The following RAB1A variants were observed in gnomAD, a reference collection of about 807,000 sequenced individuals.
RAB1A encodes the protein ras-related protein Rab-1A.
Under a neutral mutation model 26.0 loss-of-function variants are expected in RAB1A, and 2 were observed. That is an observed-to-expected ratio of 0.08 (90% CI 0.03 to 0.24). RAB1A has a LOEUF of 0.24. RAB1A is among the 10% of genes least tolerant of loss of function. The pLI is 1.00. For missense variants in RAB1A, 100 were observed against 247.0 expected (o/e 0.40, Z 3.99); for synonymous variants, 84 against 84.9 (o/e 0.99, Z 0.06).
intron 5 of RAB1A, 56 bp downstream of exon 5, chr2:65,088,883 C>T (rs954550238): frequency 2.0e-6 from 3 of 1,526,482 alleles, no homozygotes; most frequent in African/African-American, 2.7e-5. Context: ...TACTGCAGAA[C>T]CCATACATAA....
At chr2:65,121,600 C>T (rs1213258873) in intron 1 of RAB1A, among the ~76,000 whole-genome samples, 1 of 152,146 alleles carries the variant, frequency 6.6e-6, no homozygotes, top group Non-Finnish European at 1.5e-5. Flanking sequence ...ACCATTTTTC[C>T]CCTGAATATC....
In RAB1A at chr2:65,126,440, C is replaced by CA. The variant is rs374239676; in HGVS notation, c.23+3452dup. 8.8e-3 allele frequency among the ~76,000 whole-genome samples: 1,290 copies of CA among 146,288 alleles called. 13 individuals carry two copies. The highest frequency in any genetic ancestry group is 0.027 in the African/African-American group (1,093 of 39,930). ...CGGGCGACAGAGCAAGATTCCGTCT[C>CA]AAAAAAAAAACAAAACAAACAAAAA... On this transcript the variant is annotated intron_variant, in intron 1 of 5. Coordinates refer to ENST00000409784, the MANE Select transcript of RAB1A (RefSeq NM_004161.5).
chr2:65,124,637 A>G (rs926913906), intron 1 of RAB1A, among the ~76,000 whole-genome samples: 1 of 151,648 alleles, frequency 6.6e-6, no homozygotes, highest in Non-Finnish European at 1.5e-5. Context: ...TAGTAGAGAC[A>G]GGGTTTTGCC....
At chr2:65,098,928 C>T (rs1038984472) in intron 2 of RAB1A, among the ~76,000 whole-genome samples, 2 of 143,294 alleles carry the variant, frequency 1.4e-5, no homozygotes, top group Non-Finnish European at 3.0e-5. Context: ...CTCTGTCTCC[C>T]GGGGTCCAAG....
At chr2:65,122,217 G>A (rs570775842) in intron 1 of RAB1A, among the ~76,000 whole-genome samples, 1 of 145,790 alleles carries the variant, frequency 6.9e-6, no homozygotes, top group Admixed American at 6.9e-5. Context: ...AATACCTCAT[G>A]CACTGGCACA....
chr2:65,111,608 T>C (rs968141635), intron 1 of RAB1A, among the ~76,000 whole-genome samples: 10 of 152,208 alleles, frequency 6.6e-5, no homozygotes, highest in African/African-American at 1.7e-4. Context: ...ATTAAGTCTA[T>C]AGTTAACACT....
intron 3 of RAB1A, among the ~76,000 whole-genome samples, chr2:65,095,379 T>C (rs1669259568): frequency 6.6e-6 from 1 of 151,964 alleles, no homozygotes; most frequent in African/African-American, 2.4e-5. Flanking sequence ...ACAGGGTCTC[T>C]CACTCTGTCC....
chr2:65,120,643 C>T (rs1296797737), intron 1 of RAB1A, among the ~76,000 whole-genome samples: 1 of 151,920 alleles, frequency 6.6e-6, no homozygotes, highest in Non-Finnish European at 1.5e-5. Context: ...GTGTGAACTG[C>T]CTATAACTTT....
At chr2:65,093,624 ATTT>A (rs57642294) in intron 3 of RAB1A, among the ~76,000 whole-genome samples, 41 of 142,650 alleles carry the variant, frequency 2.9e-4, no homozygotes, top group African/African-American at 9.8e-4. Context: ...TTGTGTTTAG[ATTT>A]TTTTTTTTTT....
At chr2:65,104,013 T>G (rs111245132) in intron 2 of RAB1A, among the ~76,000 whole-genome samples, 15,756 of 152,112 alleles carry the variant, frequency 0.1, 1,116 homozygotes, top group South Asian at 0.2. Context: ...CTCTTGACCT[T>G]GTGATCCGCC....
At chr2:65,114,059 G>A (rs544026776) in intron 1 of RAB1A, 2 of 352,890 alleles carry the variant, frequency 5.7e-6, no homozygotes, top group Admixed American at 3.4e-5. Flanking sequence ...TTACTTCTAA[G>A]TAGGTAGAGT....
chr2:65,115,664 G>C (rs1019813006), intron 1 of RAB1A, among the ~76,000 whole-genome samples: 2 of 152,084 alleles, frequency 1.3e-5, no homozygotes. Context: ...CCAGAAATCT[G>C]AGAGGGCAAT....
intron 1 of RAB1A, among the ~76,000 whole-genome samples, chr2:65,109,582 T>C (rs896689756): frequency 6.6e-6 from 1 of 151,794 alleles, no homozygotes; most frequent in African/African-American, 2.4e-5. Flanking sequence ...TGGTGGCAGA[T>C]GCCTGTAATC....
intron 3 of RAB1A, among the ~76,000 whole-genome samples, chr2:65,092,865 C>T (rs1669203799): frequency 6.6e-6 from 1 of 152,070 alleles, no homozygotes; most frequent in Admixed American, 6.6e-5. Flanking sequence ...ACGACGGTTT[C>T]CCCCATTCAA....
chr2:65,104,423 G>A (rs13426006), intron 2 of RAB1A, among the ~76,000 whole-genome samples: 142 of 152,050 alleles, frequency 9.3e-4, no homozygotes, highest in African/African-American at 3.1e-3. Flanking sequence ...TCATCAAGTC[G>A]CTTTCAACAC....
intron 3 of RAB1A, 118 bp downstream of exon 3, chr2:65,097,853 A>T (rs1669327919): frequency 1.8e-6 from 1 of 551,596 alleles, no homozygotes; most frequent in Non-Finnish European, 3.1e-6. Context: ...TCTTAAGTAC[A>T]TGAATCTTAA....
chr2:65,106,358 T>C (rs778771665), intron 1 of RAB1A: 1 of 329,630 alleles, frequency 3.0e-6, no homozygotes. Flanking sequence ...CGTCACAATT[T>C]AGATTAAAAT....
chr2:65,101,403 T>C (rs1156922941), intron 2 of RAB1A, among the ~76,000 whole-genome samples: 2 of 152,278 alleles, frequency 1.3e-5, no homozygotes, highest in East Asian at 1.9e-4. Flanking sequence ...CCCCAGAGCT[T>C]ATTGCACATT....
Position 65,087,501 on chromosome 2 carries a change from TAGGAA to T in RAB1A, c.*987_*991del, listed in dbSNP as rs917799397. 1.3e-5 allele frequency: 2 copies of T among 152,660 alleles called. No homozygotes were observed. Among genetic ancestry groups the T allele is most frequent in the Admixed American group, 1.3e-4 (2 of 15,282 alleles). The allele number at this position is 152,660 out of a possible 1,614,324, so 9.5% of individuals were successfully genotyped here. A position where few individuals can be genotyped will look rare whatever the true frequency, so the allele number is the denominator to read the frequency against. ...CACATTAGTCTGATCATTTGCCAATTAGGAAAGGTGCTGCTTTCTACCTCTACCAC... is the reference window on the plus strand; with the variant it reads ...CACATTAGTCTGATCATTTGCCAATTAGGTGCTGCTTTCTACCTCTACCAC... On this transcript the variant is annotated 3_prime_UTR_variant, in exon 6 of 6. Transcript: ENST00000409784.
Sources: gnomAD v4.1 joint callset for allele counts (sites outside exome capture counted in the v4.1 genomes callset) on GRCh38, gnomAD v4.1.1 for gene constraint, MANE v1.5 for transcripts, NCBI Gene and HGNC (gene_info 2026-07-23, HGNC 2026-07-21) for gene names.